Variants in NPAS3 observed in about 807,000 individuals in gnomAD.
NPAS3 encodes neuronal PAS domain protein 3, also known as neuronal PAS domain-containing protein 3.
Under a neutral mutation model 73.1 loss-of-function variants are expected in NPAS3, and 14 were observed. That is an observed-to-expected ratio of 0.19 (90% CI 0.13 to 0.30). NPAS3 has a LOEUF of 0.30. Ranked by LOEUF, NPAS3 falls within the 10% of genes least tolerant of loss-of-function variation. The pLI, the probability that NPAS3 is intolerant of heterozygous loss-of-function variation, is 1.00. For missense variants in NPAS3, 1,096 were observed against 1,250.0 expected (o/e 0.88, Z 1.86); for synonymous variants, 620 against 541.5 (o/e 1.14, Z -2.01).
intron 3 of NPAS3, among the ~76,000 whole-genome samples, chr14:33,356,559 A>G (rs2045346217): frequency 1.3e-5 from 2 of 152,164 alleles, no homozygotes; most frequent in Non-Finnish European, 2.9e-5. Context: ...ATCTCCTTGC[A>G]TTCATTCATT....
Position 33,131,898 on chromosome 14 carries a change from A to G in NPAS3, c.140+75904A>G, listed in dbSNP as rs141146399. ...GGATCAATTATACTTTATCTGATAG[A>G]GAAAGTGGGACAAGTCATGTGGAGA... On this transcript the variant is annotated intron_variant, in intron 2 of 11. Transcript: ENST00000356141. Among the ~76,000 whole-genome samples the G allele has an allele frequency of 7.3e-3, 1,110 of 152,266 alleles. 15 individuals are homozygous for G. Among genetic ancestry groups the G allele is most frequent in the African/African-American group, 0.025 (1,047 of 41,558 alleles).
At chr14:33,678,279 A>G (rs2059825659) in intron 6 of NPAS3, among the ~76,000 whole-genome samples, 1 of 152,164 alleles carries the variant, frequency 6.6e-6, no homozygotes, top group Non-Finnish European at 1.5e-5. Flanking sequence ...TATGCCTGAT[A>G]TGGAGCCCAA....
intron 2 of NPAS3, among the ~76,000 whole-genome samples, chr14:33,093,046 G>A (rs1444362817): frequency 6.6e-6 from 1 of 152,186 alleles, no homozygotes; most frequent in African/African-American, 2.4e-5. Flanking sequence ...TACCATTCAG[G>A]ACATAGGCAT....
intron 2 of NPAS3, among the ~76,000 whole-genome samples, chr14:33,197,237 C>CTGTGTGTGTATGTGTG (rs2046391623): frequency 7.4e-6 from 1 of 135,214 alleles, no homozygotes; most frequent in Non-Finnish European, 1.6e-5. Flanking sequence ...CTCCAGCAGG[C>CTGTGTGTGTATGTGTG]TGTGTGTGTG....
intron 9 of NPAS3, among the ~76,000 whole-genome samples, chr14:33,784,819 C>T (rs183370352): frequency 5.3e-5 from 7 of 131,118 alleles, no homozygotes; most frequent in Admixed American, 3.4e-4. Context: ...GGCACGATCT[C>T]GGCTCACCAC....
chr14:33,293,175 C>T (rs1048150552), intron 3 of NPAS3, among the ~76,000 whole-genome samples: 2 of 152,082 alleles, frequency 1.3e-5, no homozygotes, highest in African/African-American at 2.4e-5. Flanking sequence ...GCATTCTTTG[C>T]TTACTCATAG....
chr14:33,192,628 C>T (rs2139516116), intron 2 of NPAS3, among the ~76,000 whole-genome samples: 1 of 152,242 alleles, frequency 6.6e-6, no homozygotes, highest in East Asian at 1.9e-4. Flanking sequence ...GGCATCTTAC[C>T]TTCATACGGG....
At position 33,753,764 on chromosome 14, in the gene NPAS3, C is replaced by A. The variant is rs1389426005; in HGVS notation, c.852+18432C>A. Among the ~76,000 whole-genome samples, 3 of 152,130 alleles carry A rather than the reference C, an allele frequency of 2.0e-5. No individual in the cohort carries two copies. The East Asian group carries it at 5.8e-4, about 29-fold the overall frequency. On this transcript the variant is annotated intron_variant, in intron 7 of 11. Transcript: ENST00000356141. Reference sequence around the variant, plus strand: ...GGGGAAAGTAAGTGATCTATTTTTTCCTAAGCTTTTATTTCCCAAATTTGT... The same window carrying A: ...GGGGAAAGTAAGTGATCTATTTTTTACTAAGCTTTTATTTCCCAAATTTGT...
intron 3 of NPAS3, among the ~76,000 whole-genome samples, chr14:33,354,871 G>A (rs374743361): frequency 4.6e-5 from 7 of 152,020 alleles, no homozygotes; most frequent in Admixed American, 3.3e-4. Context: ...TCAACTCATC[G>A]TCATTTATTG....
At chr14:33,582,487 T>A (rs1006383670) in intron 5 of NPAS3, among the ~76,000 whole-genome samples, 1 of 152,234 alleles carries the variant, frequency 6.6e-6, no homozygotes, top group African/African-American at 2.4e-5. Flanking sequence ...TGTTATACCA[T>A]GTTTATCTTC....
chr14:33,348,035 G>T (rs1049624089), intron 3 of NPAS3, among the ~76,000 whole-genome samples: 1 of 152,156 alleles, frequency 6.6e-6, no homozygotes, highest in African/African-American at 2.4e-5. Flanking sequence ...TTCTTTTCCT[G>T]CAGGGGGAGA....
intron 5 of NPAS3, among the ~76,000 whole-genome samples, chr14:33,663,637 A>C (rs2059371514): frequency 6.6e-6 from 1 of 151,574 alleles, no homozygotes; most frequent in African/African-American, 2.4e-5. Context: ...TCCTCTTTGT[A>C]CCTCTGGTAG....
intron 2 of NPAS3, among the ~76,000 whole-genome samples, chr14:33,173,303 T>C (rs2045464435): frequency 6.6e-6 from 1 of 152,286 alleles, no homozygotes; most frequent in East Asian, 1.9e-4. Flanking sequence ...AAAATAGCAG[T>C]GATGCCACTA....
At chr14:33,326,380 G>T (rs543286860) in intron 3 of NPAS3, among the ~76,000 whole-genome samples, 1 of 152,132 alleles carries the variant, frequency 6.6e-6, no homozygotes, top group African/African-American at 2.4e-5. Context: ...AAAAACAAAA[G>T]CATCGTATTT....
At chr14:33,027,633 T>G (rs1485201314) in intron 1 of NPAS3, among the ~76,000 whole-genome samples, 1 of 152,196 alleles carries the variant, frequency 6.6e-6, no homozygotes, top group Non-Finnish European at 1.5e-5. Flanking sequence ...GTAATATAAT[T>G]GCCCCCACCC....
intron 4 of NPAS3, among the ~76,000 whole-genome samples, chr14:33,485,902 C>A (rs559431403): frequency 6.6e-6 from 1 of 151,820 alleles, no homozygotes; most frequent in South Asian, 2.1e-4. Flanking sequence ...GCTCAGGTTG[C>A]GTAGTGAACA....
intron 4 of NPAS3, among the ~76,000 whole-genome samples, chr14:33,451,228 C>A (rs2049776640): frequency 6.6e-6 from 1 of 152,186 alleles, no homozygotes; most frequent in East Asian, 1.9e-4. Flanking sequence ...GCTGTGCCTC[C>A]TTATTTGCTC....
upstream of NPAS3, among the ~76,000 whole-genome samples, chr14:32,935,903 C>A (rs190609942): frequency 6.6e-6 from 1 of 152,212 alleles, no homozygotes; most frequent in Admixed American, 6.5e-5. Flanking sequence ...AGGTAAACTC[C>A]CCATTTGTGG....
At chr14:33,662,684 C>T (rs569459336) in intron 5 of NPAS3, among the ~76,000 whole-genome samples, 24 of 152,080 alleles carry the variant, frequency 1.6e-4, no homozygotes, top group South Asian at 4.2e-4. Context: ...ACATTGTATT[C>T]CTAGGTATTT....
Sources: gnomAD v4.1 joint callset for allele counts (sites outside exome capture counted in the v4.1 genomes callset) on GRCh38, gnomAD v4.1.1 for gene constraint, MANE v1.5 for transcripts, NCBI Gene and HGNC (gene_info 2026-07-23, HGNC 2026-07-21) for gene names.